Variants in AGAP1 observed in about 807,000 individuals in gnomAD.
AGAP1 encodes ArfGAP with GTPase domain, ankyrin repeat and PH domain 1, also known as arf-GAP with GTPase, ANK repeat and PH domain-containing protein 1.
In AGAP1, 29 loss-of-function variants were observed where a neutral mutation model predicts 105.3. The ratio of observed to expected loss-of-function variants is 0.28; its 90% CI spans 0.21 to 0.38. The LOEUF is 0.38. AGAP1 is among the 10% of genes least tolerant of loss of function. The probability of loss-of-function intolerance (pLI) is 1.00; values close to 1 mark genes in which losing one functional copy is unlikely to be tolerated. For synonymous variants in AGAP1, 509 were observed against 485.9 expected (o/e 1.05, Z -0.63); for missense variants, 998 against 1,165.1 (o/e 0.86, Z 2.09).
At chr2:235,969,756 G>A (rs2054564536) in intron 13 of AGAP1, among the ~76,000 whole-genome samples, 1 of 152,156 alleles carries the variant, frequency 6.6e-6, no homozygotes, top group South Asian at 2.1e-4. Flanking sequence ...CCGGAGGCAG[G>A]GAGCATCATT....
At chr2:235,822,312 A>T (rs1958833618) in intron 9 of AGAP1, among the ~76,000 whole-genome samples, 1 of 152,172 alleles carries the variant, frequency 6.6e-6, no homozygotes, top group South Asian at 2.1e-4. Context: ...GTAAATGAGG[A>T]TGATTTTGAA....
At chr2:235,730,462 C>G (rs1951878481) in intron 3 of AGAP1, among the ~76,000 whole-genome samples, 1 of 116,430 alleles carries the variant, frequency 8.6e-6, no homozygotes, top group Non-Finnish European at 1.7e-5. Context: ...TTGCAATGCT[C>G]TTTTGTTTAC....
chr2:236,018,129 T>C (rs1042604114), intron 13 of AGAP1, among the ~76,000 whole-genome samples: 1 of 152,272 alleles, frequency 6.6e-6, no homozygotes, highest in African/African-American at 2.4e-5. Context: ...GTACAAACTT[T>C]TGTTGCTTTT....
chr2:236,027,084 T>C lies in AGAP1; in HGVS notation c.1646-9477T>C, dbSNP rs2057078526. Reference sequence around the variant, plus strand: ...ATTACTCCATGCAGTAGATTTGTTATGGATAAACAGATTTCTTCCTGGAAG... The same window carrying C: ...ATTACTCCATGCAGTAGATTTGTTACGGATAAACAGATTTCTTCCTGGAAG... On this transcript the variant is annotated intron_variant, in intron 13 of 17. Coordinates refer to ENST00000304032, the MANE Select transcript of AGAP1 (RefSeq NM_001037131.3). The surrounding 1 kb of genome is among the most constrained non-coding windows in gnomAD (Gnocchi z 4.4). Among the ~76,000 whole-genome samples the C allele has an allele frequency of 2.0e-5, 3 of 152,234 alleles. No individual in the cohort carries two copies. The highest frequency in any genetic ancestry group is 1.9e-4 in the East Asian group (1 of 5,200).
chr2:235,746,015 G>A (rs13415119), intron 5 of AGAP1, among the ~76,000 whole-genome samples: 3,283 of 152,234 alleles, frequency 0.022, 104 homozygotes, highest in African/African-American at 0.068. Flanking sequence ...AATACCAGCT[G>A]CTCAGGAGGC....
intron 2 of AGAP1, among the ~76,000 whole-genome samples, chr2:235,710,270 TGAG>T (rs1575194052): frequency 6.6e-6 from 1 of 152,168 alleles, no homozygotes; most frequent in East Asian, 1.9e-4. Flanking sequence ...ATGTCTGAGA[TGAG>T]GAGATAGAGC....
rs75058454 is a variant in AGAP1, at chr2:236,031,083, A to T, written c.1646-5478A>T. Among the ~76,000 whole-genome samples, 14 of 152,310 alleles carry T rather than the reference A, an allele frequency of 9.2e-5. No individual in the cohort carries two copies. In the East Asian group the frequency reaches 2.3e-3, roughly 25 times the overall value. The stretch of plus-strand genomic sequence containing the variant: ...CATGTTAAATTTGATATGAGGACAA[A>T]GTTTTTGAGAAACATCCACAGGCAT... On this transcript the variant is annotated intron_variant, in intron 13 of 17. Coordinates refer to ENST00000304032, the MANE Select transcript of AGAP1 (RefSeq NM_001037131.3).
intron 9 of AGAP1, among the ~76,000 whole-genome samples, chr2:235,881,782 T>G (rs1045153534): frequency 6.6e-6 from 1 of 152,364 alleles, no homozygotes; most frequent in East Asian, 1.9e-4. Context: ...AACCACCATT[T>G]AAGAAGACTG....
At chr2:235,637,426 C>T (rs1315835158) in intron 1 of AGAP1, among the ~76,000 whole-genome samples, 1 of 151,728 alleles carries the variant, frequency 6.6e-6, no homozygotes, top group African/African-American at 2.4e-5. Flanking sequence ...GTGCATGCCA[C>T]CATGCCTAGC....
At chr2:235,587,393 G>A (rs1316751316) in intron 1 of AGAP1, among the ~76,000 whole-genome samples, 2 of 152,158 alleles carry the variant, frequency 1.3e-5, no homozygotes, top group Non-Finnish European at 2.9e-5. Flanking sequence ...CCGAGCTCAG[G>A]GCAGCGGGAT....
At chr2:236,079,172 C>G (rs928990600) in intron 16 of AGAP1, among the ~76,000 whole-genome samples, 13 of 152,094 alleles carry the variant, frequency 8.5e-5, no homozygotes, top group Non-Finnish European at 1.8e-4. Flanking sequence ...CACACCTGCC[C>G]TCAGGAAACT....
chr2:235,650,144 CGGAGGTCA>C (rs1947532909), intron 1 of AGAP1, among the ~76,000 whole-genome samples: 2 of 152,062 alleles, frequency 1.3e-5, no homozygotes, highest in African/African-American at 4.8e-5. Flanking sequence ...GGTGGATCAC[CGGAGGTCA>C]GGAGTTCGAG....
chr2:235,981,569 C>A lies in AGAP1; in HGVS notation c.1645+12946C>A, dbSNP rs981592939. Among the ~76,000 whole-genome samples the A allele has an allele frequency of 1.3e-5, 2 of 152,086 alleles. No homozygotes were observed. The highest frequency in any genetic ancestry group is 2.9e-5 in the Non-Finnish European group (2 of 68,010). ...TGCCTCTTTCAAAGAGGAAATCAAT[C>A]ACGAAACAGAAACTCAGAGTTGACA... is the stretch of plus-strand genomic sequence containing the variant. On this transcript the variant is annotated intron_variant, in intron 13 of 17. Coordinates refer to ENST00000304032, the MANE Select transcript of AGAP1 (RefSeq NM_001037131.3). The surrounding 1 kb of genome is among the most constrained non-coding windows in gnomAD (Gnocchi z 5.5).
At chr2:235,709,500 CCTCT>C (rs992417314) in intron 2 of AGAP1, among the ~76,000 whole-genome samples, 3 of 151,378 alleles carry the variant, frequency 2.0e-5, no homozygotes, top group African/African-American at 7.3e-5. Context: ...CCATCATCAT[CCTCT>C]CTCTCACATC....
At chr2:235,779,751 A>G (rs908484842) in intron 6 of AGAP1, among the ~76,000 whole-genome samples, 2 of 152,216 alleles carry the variant, frequency 1.3e-5, no homozygotes, top group Non-Finnish European at 2.9e-5. Context: ...CATCCATTTT[A>G]ATTTGAAAGA....
rs1002271016 is a variant in AGAP1 at position 235,744,393 on chromosome 2, C to T, written c.397-305C>T. On this transcript the variant is annotated intron_variant, in intron 4 of 17. Transcript: ENST00000304032. The surrounding 1 kb of genome is among the most constrained non-coding windows in gnomAD (Gnocchi z 5.2). ...CGCCTTGGCAGGTCGGGGCAGCGGG[C>T]GGACAGGCCAGGAGCATGAGGACCG... Among the ~76,000 whole-genome samples the T allele has an allele frequency of 3.9e-5, 6 of 152,102 alleles. No homozygotes were observed. Among genetic ancestry groups the T allele is most frequent in the South Asian group, 2.1e-4 (1 of 4,822 alleles).
chr2:235,559,690 A>G lies in AGAP1; in HGVS notation c.163+64841A>G, dbSNP rs1944086925. 6.6e-6 allele frequency among the ~76,000 whole-genome samples: 1 copy of G among 151,876 alleles called. No homozygotes were observed. The highest frequency in any genetic ancestry group is 1.5e-5 in the Non-Finnish European group (1 of 67,992). ...AACATTTTGGTGGGTATGATGTGGT[A>G]TCTCAACTGTGGTTTTGATTTGCAT... On this transcript the variant is annotated intron_variant, in intron 1 of 17. Transcript: ENST00000304032. This position sits in a 1 kb window ranked among gnomAD's most constrained non-coding sequence, Gnocchi z 5.7.
intron 2 of AGAP1, among the ~76,000 whole-genome samples, chr2:235,713,899 G>C (rs371521112): frequency 1.6e-4 from 24 of 152,198 alleles, no homozygotes; most frequent in African/African-American, 5.3e-4. Flanking sequence ...AGGAAGACGC[G>C]AGAGGTCTTT....
At chr2:236,102,079 C>T (rs79752907) in intron 16 of AGAP1, among the ~76,000 whole-genome samples, 82,878 of 151,460 alleles carry the variant, frequency 0.55, 24,458 homozygotes, top group African/African-American at 0.78. Flanking sequence ...GCCAGGATTT[C>T]GTGACTAGCC....
Sources: allele counts gnomAD v4.1 joint callset (sites outside exome capture counted in the v4.1 genomes callset), GRCh38; gene constraint gnomAD v4.1.1; non-coding constraint Gnocchi (gnomAD v3.1); transcripts MANE v1.5; gene names NCBI Gene and HGNC (gene_info 2026-07-23, HGNC 2026-07-21).